Variants in PKP4 observed in about 807,000 individuals in gnomAD.
PKP4 encodes plakophilin-4.
In PKP4, 90 loss-of-function variants were observed where a neutral mutation model predicts 145.1. The ratio of observed to expected loss-of-function variants is 0.62; its 90% CI spans 0.52 to 0.74. PKP4 has a LOEUF of 0.74. PKP4 is among the 30% of genes least tolerant of loss of function. The pLI, the probability that PKP4 is intolerant of heterozygous loss-of-function variation, is 0.00. For synonymous variants in PKP4, 563 were observed against 577.2 expected, an observed-to-expected ratio of 0.98 and a Z score of 0.35; for missense variants, 1,340 against 1,482.7, an observed-to-expected ratio of 0.90 and a Z score of 1.58.
At chr2:158,658,343 A>G in intron 12 of PKP4, 29 bp downstream of exon 12, 1 of 1,377,960 alleles carries the variant, frequency 7.3e-7, no homozygotes, top group Non-Finnish European at 1.0e-6. Context: ...CTTTCCAGTT[A>G]ATTCTGTGAT....
chr2:158,536,957 G>A (rs2105644746), intron 2 of PKP4, among the ~76,000 whole-genome samples: 1 of 152,280 alleles, frequency 6.6e-6, no homozygotes, highest in Admixed American at 6.5e-5. Flanking sequence ...ATAGAGCCGT[G>A]TTTTAGGCCT....
At position 158,658,243 on chromosome 2, in the gene PKP4, T is replaced by C. The variant is rs753971710; in HGVS notation, c.2022T>C (p.Ser674=). ...TTCCACATTCTGGATGGAATAACTC[T>C]TCTTTTGATGATGATCATAAAATTA... is the stretch of plus-strand genomic sequence containing the variant. ...VIVPHSGWNN[S]SFDDDHKIKF... The change falls in exon 12 of 22, where the codon TCT becomes TCC. Residue 674 remains serine, a synonymous_variant. Transcript: ENST00000389759. 8 of 1,603,966 alleles carry C rather than the reference T, an allele frequency of 5.0e-6. No individual in the cohort carries two copies. Among genetic ancestry groups the C allele is most frequent in the Non-Finnish European group, 6.0e-6 (7 of 1,171,362 alleles).
chr2:158,472,599 C>T lies in PKP4; in HGVS notation c.-6+15381C>T, dbSNP rs374778680. ...CTGCACTCCAGCCTGGGACACAGAG[C>T]GAGGCTCCATCTCAAAAAAAAAAAA... On this transcript the variant is annotated intron_variant, in intron 1 of 21. Transcript: ENST00000389759. 3.4e-5 allele frequency among the ~76,000 whole-genome samples: 4 copies of T among 118,984 alleles called. No homozygotes were observed. The East Asian group carries it at 8.2e-4, about 24-fold the overall frequency. The allele number at this position is 118,984 out of a possible 152,430, so 78.1% of individuals were successfully genotyped here. A position where few individuals can be genotyped will look rare whatever the true frequency, so the allele number is the denominator to read the frequency against.
chr2:158,657,401 T>C lies in PKP4; in HGVS notation c.1910-730T>C, dbSNP rs559635975. Among the ~76,000 whole-genome samples, 22 of 152,342 alleles carry C rather than the reference T, an allele frequency of 1.4e-4. 1 individual carries two copies. Among genetic ancestry groups the C allele is most frequent in the Admixed American group, 8.5e-4 (13 of 15,310 alleles). ...TTTAAGATCTGTTATCCTGAAATCTTGATATGAATTACAATACAGGCGATT... is the reference window on the plus strand; with the variant it reads ...TTTAAGATCTGTTATCCTGAAATCTCGATATGAATTACAATACAGGCGATT... On this transcript the variant is annotated intron_variant, in intron 11 of 21. Transcript: ENST00000389759.
intron 9 of PKP4, among the ~76,000 whole-genome samples, chr2:158,638,521 T>C (rs2054001107): frequency 6.6e-6 from 1 of 152,192 alleles, no homozygotes; most frequent in Non-Finnish European, 1.5e-5. Flanking sequence ...TTTGCTGTAT[T>C]CTTAATGGCT....
intron 9 of PKP4, among the ~76,000 whole-genome samples, chr2:158,639,010 A>G (rs140163296): frequency 2.4e-4 from 36 of 152,294 alleles, no homozygotes; most frequent in African/African-American, 6.7e-4. Context: ...GTAGGCACAC[A>G]TATAGACCAC....
intron 4 of PKP4, among the ~76,000 whole-genome samples, chr2:158,610,221 G>A (rs1312548883): frequency 6.6e-6 from 1 of 152,060 alleles, no homozygotes; most frequent in Non-Finnish European, 1.5e-5. Flanking sequence ...GTATTCTGCT[G>A]AAACATTTCC....
At chr2:158,561,489 C>T (rs895585689) in intron 2 of PKP4, among the ~76,000 whole-genome samples, 3 of 152,204 alleles carry the variant, frequency 2.0e-5, no homozygotes, top group Non-Finnish European at 4.4e-5. Context: ...CAGCACCATG[C>T]AGTTTGTTTA....
chr2:158,646,552 C>G (rs1293101789), intron 11 of PKP4, among the ~76,000 whole-genome samples: 1 of 152,064 alleles, frequency 6.6e-6, no homozygotes, highest in Admixed American at 6.5e-5. Flanking sequence ...CTCACATTTC[C>G]CAGTCCTACA....
At position 158,529,595 on chromosome 2, in the gene PKP4, A is replaced by T. The variant is rs139178946; in HGVS notation, c.-5-3585A>T. On this transcript the variant is annotated intron_variant, in intron 1 of 21. Coordinates refer to ENST00000389759, the MANE Select transcript of PKP4 (RefSeq NM_003628.6). ...CCAAGGAGCCTGAAGGAAAATTGTA[A>T]GCTCACTTAAACGCCCTTCCTATCA... Among the ~76,000 whole-genome samples, 4 of 152,314 alleles carry T rather than the reference A, an allele frequency of 2.6e-5. No individual in the cohort carries two copies. In the East Asian group the frequency reaches 7.7e-4, roughly 29 times the overall value.
intron 9 of PKP4, among the ~76,000 whole-genome samples, chr2:158,637,279 A>G (rs1421978749): frequency 6.6e-6 from 1 of 152,128 alleles, no homozygotes; most frequent in East Asian, 1.9e-4. Context: ...AGTCTTGACT[A>G]AATTCCCAAG....
At chr2:158,602,457 T>C (rs1412019315) in intron 3 of PKP4, among the ~76,000 whole-genome samples, 1 of 152,178 alleles carries the variant, frequency 6.6e-6, no homozygotes, top group Non-Finnish European at 1.5e-5. Context: ...TTTCCTGTAT[T>C]GATTGGGGCA....
chr2:158,619,993 T>C (rs956866277), intron 4 of PKP4, among the ~76,000 whole-genome samples: 1 of 151,966 alleles, frequency 6.6e-6, no homozygotes, highest in South Asian at 2.1e-4. Flanking sequence ...GGGCCTGGCA[T>C]GTAATAGGGC....
At chr2:158,575,130 G>A (rs1574564398) in intron 2 of PKP4, among the ~76,000 whole-genome samples, 1 of 152,288 alleles carries the variant, frequency 6.6e-6, no homozygotes, top group East Asian at 1.9e-4. Flanking sequence ...CCACAATGTT[G>A]ATCAGATAAA....
At chr2:158,676,704 C>T in intron 19 of PKP4, 35 bp from the exon 20 acceptor site, 1 of 1,612,984 alleles carries the variant, frequency 6.2e-7, no homozygotes, top group Non-Finnish European at 8.5e-7. Context: ...TCTCTTTCTA[C>T]CCCTCTTTCT....
At chr2:158,548,293 T>A (rs559872462) in intron 2 of PKP4, 1 of 152,330 alleles carries the variant, frequency 6.6e-6, no homozygotes, top group South Asian at 2.1e-4. Context: ...ACAAAATTTG[T>A]GCATAAGTAA....
chr2:158,628,459 G>A (rs181722342), intron 7 of PKP4, among the ~76,000 whole-genome samples: 7 of 151,966 alleles, frequency 4.6e-5, no homozygotes, highest in African/African-American at 1.2e-4. Flanking sequence ...TTAAACACAC[G>A]AGCGGGTAAA....
intron 1 of PKP4, among the ~76,000 whole-genome samples, chr2:158,496,759 CGTGT>C (rs58108158): frequency 0.11 from 15,301 of 144,682 alleles, 1,293 homozygotes; most frequent in East Asian, 0.23. Flanking sequence ...CTTCTCTCTC[CGTGT>C]GTGTGTGTGT....
chr2:158,571,844 C>T (rs76674169), intron 2 of PKP4, among the ~76,000 whole-genome samples: 4,067 of 152,170 alleles, frequency 0.027, 149 homozygotes, highest in East Asian at 0.13. Flanking sequence ...GAGCCTTGAA[C>T]TGGAGTGGAG....
Sources: allele counts gnomAD v4.1 joint callset (sites outside exome capture counted in the v4.1 genomes callset), GRCh38; gene constraint gnomAD v4.1.1; transcripts MANE v1.5; gene names NCBI Gene and HGNC (gene_info 2026-07-23, HGNC 2026-07-21).